Variants in RBM41 observed in about 807,000 individuals in gnomAD.
The protein encoded by RBM41 is RNA-binding protein 41.
RBM41 carries 14 observed loss-of-function variants against 30.8 expected under a neutral mutation model. The observed-to-expected ratio is 0.45, with a 90% CI of 0.30 to 0.71. The LOEUF (loss-of-function observed/expected upper bound fraction) is 0.71, where lower values mean the gene tolerates loss of function less well. RBM41 is among the 30% of genes least tolerant of loss of function. RBM41 has a pLI of 0.08. For missense variants in RBM41, 276 were observed against 326.3 expected (o/e 0.85, Z 1.19); for synonymous variants, 120 against 110.1 (o/e 1.09, Z -0.56).
chrX:107,056,113 A>G, the RBM41 span, among the ~76,000 whole-genome samples: 1 of 112,023 alleles, frequency 8.9e-6, no homozygotes, highest in Non-Finnish European at 1.9e-5. Context: ...AAAGGGTATT[A>G]GATTTTGCCA....
At chrX:107,115,627 A>G in intron 3 of RBM41, 71 bp from the exon 4 acceptor site, 2 of 1,000,270 alleles carry the variant, frequency 2.0e-6, no homozygotes, top group Non-Finnish European at 2.8e-6. Flanking sequence ...TGGTATCTCA[A>G]GTAAAAAGAT....
intron 6 of RBM41, chrX:107,070,543 G>A: frequency 4.3e-6 from 1 of 233,451 alleles, no homozygotes; most frequent in Non-Finnish European, 7.9e-6. Context: ...TGTGCTCAGA[G>A]ATTCCAATCT....
rs2147859242 is a variant in RBM41 at position 107,065,411 on chromosome X, G to C, written c.*2116C>G. ...TTATTTCCTCAGTGGTTGCTCTAGG[G>C]CTTACCATACACATCTTAACTAAAC... On this transcript the variant is annotated 3_prime_UTR_variant, in exon 8 of 8. Coordinates refer to ENST00000685964, the MANE Select transcript of RBM41 (RefSeq NM_001324242.2). 7.2e-6 allele frequency: 1 copy of C among 139,271 alleles called. No individual in the cohort carries two copies. The highest frequency in any genetic ancestry group is 3.1e-5 in the African/African-American group (1 of 31,821). The allele number at this position is 139,271 out of a possible 1,213,427, so 11.5% of individuals were successfully genotyped here.
At chrX:107,116,479 T>C (rs1477668607) in intron 2 of RBM41, among the ~76,000 whole-genome samples, 171 bp downstream of exon 2, 1 of 111,746 alleles carries the variant, frequency 8.9e-6, no homozygotes, top group Admixed American at 9.5e-5. Flanking sequence ...CTTAGTGAGA[T>C]ATGGGAGGCT....
rs1044452811 is a variant in RBM41 at position 107,065,772 on chromosome X, A to G, written c.*1755T>C. 5.2e-6 allele frequency: 6 copies of G among 1,149,181 alleles called. No homozygotes were observed. The East Asian group carries it at 1.0e-4, about 19-fold the overall frequency. 94.7% of individuals were successfully genotyped at this position (1,149,181 alleles called of 1,213,427 possible). On this transcript the variant is annotated 3_prime_UTR_variant, in exon 8 of 8. Transcript: ENST00000685964. ...AGCTTCTTCAACCTGTTATCGGCAA[A>G]TATATTATATTTTATACGTTATAGG...
At chrX:107,106,461 C>T (rs1442858737) in intron 5 of RBM41, among the ~76,000 whole-genome samples, 4 of 110,917 alleles carry the variant, frequency 3.6e-5, no homozygotes, top group South Asian at 3.9e-4. Context: ...TTCAGTGTGG[C>T]GATTCCTCAG....
chrX:107,116,113 T>C (rs181820570), intron 2 of RBM41, 59 bp from the exon 3 acceptor site: 64 of 1,049,760 alleles, frequency 6.1e-5, no homozygotes, highest in Non-Finnish European at 7.8e-5. Context: ...TTCACAAAAA[T>C]GGAGGTTCAG....
At chrX:107,110,712 T>C (rs763124575) in intron 5 of RBM41, among the ~76,000 whole-genome samples, 1 of 111,448 alleles carries the variant, frequency 9.0e-6, no homozygotes, top group East Asian at 2.8e-4. Context: ...GTTACAGTAA[T>C]TAAAACAGTG....
chrX:107,100,325 G>A (rs988804727), intron 5 of RBM41, among the ~76,000 whole-genome samples: 2 of 110,136 alleles, frequency 1.8e-5, no homozygotes, highest in Admixed American at 9.7e-5. Context: ...TTTCTAGTCT[G>A]TACTAAAAAT....
Position 107,075,036 on chromosome X carries a change from A to G in RBM41, c.1000-5634T>C, listed in dbSNP as rs139573532. 9.3e-3 allele frequency among the ~76,000 whole-genome samples: 1,043 copies of G among 112,121 alleles called. 14 individuals carry two copies. Among genetic ancestry groups the G allele is most frequent in the African/African-American group, 0.032 (983 of 30,883 alleles). ...ATTACAAAGCTACAGTAATCAAAACAGTATGGTACTGGCATAAAACTGGAC... is the reference window on the plus strand; with the variant it reads ...ATTACAAAGCTACAGTAATCAAAACGGTATGGTACTGGCATAAAACTGGAC... On this transcript the variant is annotated intron_variant, in intron 6 of 7. Transcript: ENST00000685964.
chrX:107,065,688 T>C lies in RBM41; in HGVS notation c.*1839A>G, dbSNP rs1935812156. Reference sequence around the variant, plus strand: ...TTCACGTTCTCTCCATTTGTTCCTGTGGATTTGTCTTACCATCTGGAGTCA... The same window carrying C: ...TTCACGTTCTCTCCATTTGTTCCTGCGGATTTGTCTTACCATCTGGAGTCA... On this transcript the variant is annotated 3_prime_UTR_variant, in exon 8 of 8. Coordinates refer to ENST00000685964, the MANE Select transcript of RBM41 (RefSeq NM_001324242.2). The C allele has an allele frequency of 9.1e-7, 1 of 1,100,601 alleles. No individual in the cohort carries two copies. Among genetic ancestry groups the C allele is most frequent in the Non-Finnish European group, 1.2e-6 (1 of 835,509 alleles). 90.7% of individuals were successfully genotyped at this position (1,100,601 alleles called of 1,213,427 possible). A position where few individuals can be genotyped will look rare whatever the true frequency, so the allele number is the denominator to read the frequency against.
intron 6 of RBM41, among the ~76,000 whole-genome samples, chrX:107,079,143 TC>T (rs1047922147): frequency 1.8e-5 from 2 of 111,465 alleles, no homozygotes; most frequent in African/African-American, 6.5e-5. Flanking sequence ...TCCTTTCATC[TC>T]ACAGAATAAA....
rs547056996 is a variant in RBM41, at chrX:107,104,146, C to T, written c.595+9251G>A. 6.7e-4 allele frequency among the ~76,000 whole-genome samples: 74 copies of T among 110,474 alleles called. No individual in the cohort carries two copies. In the South Asian group the frequency reaches 0.027, roughly 40 times the overall value. On this transcript the variant is annotated intron_variant, in intron 5 of 7. Transcript: ENST00000685964. ...ACCAGTATATCACTACAGATTTATA[C>T]ACCGGTCAAAAGTCAGCAAATGAAC...
At chrX:107,096,095 AC>A (rs1225658866) in intron 5 of RBM41, among the ~76,000 whole-genome samples, 1 of 112,182 alleles carries the variant, frequency 8.9e-6, no homozygotes, top group African/African-American at 3.2e-5. Context: ...AAACTACAAA[AC>A]AATGCTGAAA....
At position 107,118,483 on chromosome X, in the gene RBM41, C is replaced by T. The variant is rs1453742132; in HGVS notation, c.8+283G>A. The stretch of plus-strand genomic sequence containing the variant: ...TCAAACCCTTTTGCCCAGCTGGGTC[C>T]GGGTGAAACGACGAAGCCGCAGCAC... On this transcript the variant is annotated intron_variant, in intron 1 of 7. Transcript: ENST00000685964. Among the ~76,000 whole-genome samples, 6 of 110,893 alleles carry T rather than the reference C, an allele frequency of 5.4e-5. No homozygotes were observed. The East Asian group carries it at 1.7e-3, about 32-fold the overall frequency.
chrX:107,056,784 C>A, the RBM41 span, among the ~76,000 whole-genome samples: 5 of 106,795 alleles, frequency 4.7e-5, no homozygotes, highest in Admixed American at 4.0e-4. Flanking sequence ...TAATGGTTTG[C>A]CAATTTTGGT....
Position 107,071,970 on chromosome X carries a change from T to C in RBM41, c.1000-2568A>G, listed in dbSNP as rs185224231. Reference sequence around the variant, plus strand: ...AAGTAAAATTATCTCTGTTCACAGTTGAAATGATCATCCATGTAGAAAACG... The same window carrying C: ...AAGTAAAATTATCTCTGTTCACAGTCGAAATGATCATCCATGTAGAAAACG... On this transcript the variant is annotated intron_variant, in intron 6 of 7. Coordinates refer to ENST00000685964, the MANE Select transcript of RBM41 (RefSeq NM_001324242.2). 4.5e-5 allele frequency among the ~76,000 whole-genome samples: 5 copies of C among 111,484 alleles called. No individual in the cohort carries two copies. In the East Asian group the frequency reaches 1.4e-3, roughly 31 times the overall value.
chrX:107,093,608 C>A lies in RBM41; in HGVS notation c.596-4769G>T, dbSNP rs371565006. Reference sequence around the variant, plus strand: ...AACAATGCTGCATCCATATGATAGACAGTTAAAGCTTTAAATGCCTGTATT... The same window carrying A: ...AACAATGCTGCATCCATATGATAGAAAGTTAAAGCTTTAAATGCCTGTATT... On this transcript the variant is annotated intron_variant, in intron 5 of 7. Transcript: ENST00000685964. Among the ~76,000 whole-genome samples, 7 of 111,729 alleles carry A rather than the reference C, an allele frequency of 6.3e-5. No homozygotes were observed. In the East Asian group the frequency reaches 1.7e-3, roughly 27 times the overall value.
chrX:107,086,927 T>G (rs1486249600), intron 6 of RBM41, among the ~76,000 whole-genome samples: 1 of 112,164 alleles, frequency 8.9e-6, no homozygotes, highest in Admixed American at 9.5e-5. Context: ...GCATATTGAG[T>G]CAAAAAGGTT....
Sources: gnomAD v4.1 joint callset for allele counts (sites outside exome capture counted in the v4.1 genomes callset) on GRCh38, gnomAD v4.1.1 for gene constraint, MANE v1.5 for transcripts, NCBI Gene and HGNC (gene_info 2026-07-23, HGNC 2026-07-21) for gene names.